Variants in NHSL2 observed in about 807,000 individuals in gnomAD.
NHSL2 encodes the protein NHS like 2, also known as NHS-like protein 2.
NHSL2 carries 27 observed loss-of-function variants against 53.4 expected under a neutral mutation model. The observed-to-expected ratio is 0.51, with a 90% CI of 0.37 to 0.70. The LOEUF is 0.70. NHSL2 is among the 30% of genes least tolerant of loss of function. The probability of loss-of-function intolerance (pLI) is 0.00; values close to 1 mark genes in which losing one functional copy is unlikely to be tolerated. For missense variants in NHSL2, 892 were observed against 980.1 expected (o/e 0.91, Z 1.20); for synonymous variants, 408 against 404.1 (o/e 1.01, Z -0.12).
intron 1 of NHSL2, among the ~76,000 whole-genome samples, chrX:71,938,994 T>G (rs2041752966): frequency 8.9e-6 from 1 of 112,358 alleles, no homozygotes; most frequent in Non-Finnish European, 1.9e-5. Context: ...AAGAAAATGA[T>G]TAAACAAATA....
chrX:71,928,690 G>A (rs923645185), intron 1 of NHSL2, among the ~76,000 whole-genome samples: 1 of 111,282 alleles, frequency 9.0e-6, no homozygotes, highest in African/African-American at 3.3e-5. Context: ...TGGTACTACT[G>A]GGCCTCTTTT....
In NHSL2 at chrX:72,137,187, C is replaced by T; in HGVS notation, c.854C>T (p.Thr285Ile). 8.6e-7 allele frequency: 1 copy of T among 1,166,542 alleles called. No individual in the cohort carries two copies. The change falls in exon 5 of 8, where the codon ACC becomes ATC. Residue 285 changes from threonine (T) to isoleucine (I), a missense_variant. Physicochemically the swap from Thr to Ile is moderately conservative, Grantham distance 89. Coordinates refer to ENST00000633930, the MANE Select transcript of NHSL2 (RefSeq NM_001013627.3). ...AAGTCCACCCTGAGGCGGAGGCGGACCATTATTGGATTCTCTAACTTTTCC... is the reference window on the plus strand; with the variant it reads ...AAGTCCACCCTGAGGCGGAGGCGGATCATTATTGGATTCTCTAACTTTTCC... ...NPKSTLRRRR[T>I]IIGFSNFSQR...
chrX:72,068,082 G>T (rs991171903), intron 1 of NHSL2, among the ~76,000 whole-genome samples: 16 of 111,811 alleles, frequency 1.4e-4, no homozygotes, highest in African/African-American at 4.6e-4. Context: ...GCTTCTCTTT[G>T]ATAGTCTCAC....
At chrX:72,081,053 A>G (rs1432331359) in intron 1 of NHSL2, among the ~76,000 whole-genome samples, 1 of 112,631 alleles carries the variant, frequency 8.9e-6, no homozygotes, top group Non-Finnish European at 1.9e-5. Context: ...CTGGCAGGAC[A>G]GACTGAGTCC....
Position 72,085,618 on chromosome X carries a change from C to G in NHSL2, c.281-46461C>G, listed in dbSNP as rs191290870. On this transcript the variant is annotated intron_variant, in intron 1 of 7. Coordinates refer to ENST00000633930, the MANE Select transcript of NHSL2 (RefSeq NM_001013627.3). Reference sequence around the variant, plus strand: ...GTCAGCCTTATTCAAAAAAGCAAAACTTTCTTGGTTTGAAACACTAAAAAT... The same window carrying G: ...GTCAGCCTTATTCAAAAAAGCAAAAGTTTCTTGGTTTGAAACACTAAAAAT... Among the ~76,000 whole-genome samples, 5 of 111,087 alleles carry G rather than the reference C, an allele frequency of 4.5e-5. No individual in the cohort carries two copies. In the East Asian group the frequency reaches 1.1e-3, roughly 25 times the overall value.
intron 1 of NHSL2, among the ~76,000 whole-genome samples, chrX:72,088,972 G>T (rs1396067978): frequency 8.9e-6 from 1 of 111,762 alleles, no homozygotes; most frequent in Admixed American, 9.5e-5. Flanking sequence ...TCATAAGCTT[G>T]CCATCAGAAT....
At chrX:71,969,125 A>G (rs749193010) in intron 1 of NHSL2, among the ~76,000 whole-genome samples, 151 of 111,241 alleles carry the variant, frequency 1.4e-3, no homozygotes, top group African/African-American at 4.8e-3. Flanking sequence ...CCATGTAGCT[A>G]TCTTAACAAT....
intron 1 of NHSL2, among the ~76,000 whole-genome samples, chrX:71,954,052 T>G (rs1569466080): frequency 8.9e-6 from 1 of 112,417 alleles, no homozygotes. Flanking sequence ...TGCACTAAGC[T>G]TGACTTCTGC....
chrX:72,076,398 C>A (rs2041743715), intron 1 of NHSL2, among the ~76,000 whole-genome samples: 1 of 111,651 alleles, frequency 9.0e-6, no homozygotes, highest in Admixed American at 9.5e-5. Flanking sequence ...CTCCCACAAA[C>A]CTTTCATTTT....
chrX:72,029,127 C>T (rs899949065), intron 1 of NHSL2, among the ~76,000 whole-genome samples: 2 of 111,168 alleles, frequency 1.8e-5, no homozygotes, highest in Non-Finnish European at 1.9e-5. Flanking sequence ...AGAAAAGGCC[C>T]GGCAAAAGCA....
At chrX:71,949,304 G>A (rs916978042) in intron 1 of NHSL2, among the ~76,000 whole-genome samples, 2 of 111,080 alleles carry the variant, frequency 1.8e-5, no homozygotes, top group Non-Finnish European at 3.8e-5. Flanking sequence ...GCGTGGGTGA[G>A]AAGGCATTTG....
In NHSL2 at chrX:72,027,394, C is replaced by T. The variant is rs1455462460; in HGVS notation, c.281-104685C>T. On this transcript the variant is annotated intron_variant, in intron 1 of 7. Coordinates refer to ENST00000633930, the MANE Select transcript of NHSL2 (RefSeq NM_001013627.3). ...TTTTCCTCACTCCCCACCTCCAAAG[C>T]GGAGACTATGTCTTTAAGAAAGGAC... The T allele has an allele frequency of 3.6e-5, 4 of 111,648 alleles. No homozygotes were observed. The East Asian group carries it at 1.1e-3, about 32-fold the overall frequency. The allele number at this position is 111,648 out of a possible 1,213,427, so 9.2% of individuals were successfully genotyped here. A position where few individuals can be genotyped will look rare whatever the true frequency, so the allele number is the denominator to read the frequency against.
chrX:72,074,772 C>T (rs926151406), intron 1 of NHSL2, among the ~76,000 whole-genome samples: 2 of 112,361 alleles, frequency 1.8e-5, no homozygotes, highest in Admixed American at 9.4e-5. Flanking sequence ...ATGCAAAAGG[C>T]AAAACACAAA....
intron 1 of NHSL2, among the ~76,000 whole-genome samples, chrX:71,983,282 T>C (rs755177799): frequency 7.2e-5 from 8 of 111,358 alleles, no homozygotes; most frequent in Non-Finnish European, 1.1e-4. Flanking sequence ...CTTTAATTGA[T>C]TGAATTATAT....
Position 72,139,507 on chromosome X carries a change from C to A in NHSL2, c.1959C>A (p.Ser653=), listed in dbSNP as rs1256054267. ...CTGGTGACACCTACCAATCCCTGTC[C>A]AGCTCCAGCACTGCCACTGGCACCA... The part of the protein sequence containing the change: ...WKSGDTYQSL[S]SSSTATGTTV... The change falls in exon 6 of 8, where the codon TCC becomes TCA. Residue 653 remains serine, a synonymous_variant. Transcript: ENST00000633930. 1 of 1,211,208 alleles carries A rather than the reference C, an allele frequency of 8.3e-7. No individual in the cohort carries two copies. Among genetic ancestry groups the A allele is most frequent in the African/African-American group, 1.7e-5 (1 of 57,860 alleles).
At chrX:72,137,438 C>A (rs944036316) in intron 5 of NHSL2, among the ~76,000 whole-genome samples, 2 of 112,546 alleles carry the variant, frequency 1.8e-5, no homozygotes. Context: ...GTCTTCCGGG[C>A]TAATGAATCC....
chrX:72,037,372 G>A (rs956434161), intron 1 of NHSL2, among the ~76,000 whole-genome samples: 3 of 110,064 alleles, frequency 2.7e-5, no homozygotes, highest in Non-Finnish European at 5.7e-5. Flanking sequence ...GCAGTGAGCC[G>A]AGATGGCGCC....
chrX:72,067,481 G>A (rs1356167239), intron 1 of NHSL2, among the ~76,000 whole-genome samples: 1 of 111,814 alleles, frequency 8.9e-6, no homozygotes, highest in Non-Finnish European at 1.9e-5. Flanking sequence ...TGAGCTTAAA[G>A]TCCATGTTTA....
At chrX:72,073,036 G>A (rs2041713271) in intron 1 of NHSL2, among the ~76,000 whole-genome samples, 1 of 112,217 alleles carries the variant, frequency 8.9e-6, no homozygotes, top group Non-Finnish European at 1.9e-5. Context: ...CATTCCCAGG[G>A]TAATTGGGAA....
Sources: allele counts gnomAD v4.1 joint callset (sites outside exome capture counted in the v4.1 genomes callset), GRCh38; gene constraint gnomAD v4.1.1; transcripts MANE v1.5; gene names NCBI Gene and HGNC (gene_info 2026-07-23, HGNC 2026-07-21).